PRMT8: variants seen among roughly 807,000 people sequenced by gnomAD.
The protein encoded by PRMT8 is protein arginine methyltransferase 8, also known as protein arginine N-methyltransferase 8.
In PRMT8, 7 loss-of-function variants were observed where a neutral mutation model predicts 47.1. The ratio of observed to expected loss-of-function variants is 0.15; its 90% CI spans 0.08 to 0.28. The LOEUF is 0.28. PRMT8 is among the 10% of genes least tolerant of loss of function. The probability of loss-of-function intolerance (pLI) is 1.00; values close to 1 mark genes in which losing one functional copy is unlikely to be tolerated. For missense variants in PRMT8, 237 were observed against 505.4 expected (o/e 0.47, Z 5.09); for synonymous variants, 188 against 186.5 (o/e 1.01, Z -0.07).
chr12:3,519,425 C>T (rs1262349430), intron 1 of PRMT8, among the ~76,000 whole-genome samples: 10 of 152,034 alleles, frequency 6.6e-5, no homozygotes, highest in East Asian at 1.9e-4. Flanking sequence ...AAAGAGGTGC[C>T]GGGAAAGGAT....
intron 1 of PRMT8, among the ~76,000 whole-genome samples, chr12:3,444,773 A>C (rs1864839161): frequency 6.6e-6 from 1 of 152,274 alleles, no homozygotes; most frequent in African/African-American, 2.4e-5. Context: ...GCCTTTGCCC[A>C]ATGGCAAGAG....
Position 3,540,729 on chromosome 12 carries a change from C to T in PRMT8, c.199C>T (p.Pro67Ser). Residue 67 changes from proline (P) to serine (S), a missense_variant, in exon 2 of 10, where the codon CCA becomes TCA. This residue lies in a region of PRMT8 where 32 missense variants were observed against 73.7 expected (regional missense o/e 0.43). Transcript: ENST00000382622. The stretch of plus-strand genomic sequence containing the variant: ...GGGCAAGATGTCCAAGCTGCTGAAC[C>T]CAGAGGAGATGACCTCGAGAGATTA... ...GRGKMSKLLN[P>S]EEMTSRDYYF... 7.4e-6 allele frequency: 12 copies of T among 1,613,798 alleles called. No individual in the cohort carries two copies. The highest frequency in any genetic ancestry group is 9.3e-6 in the Non-Finnish European group (11 of 1,179,880).
chr12:3,404,292 G>A (rs868676170), intron 1 of PRMT8, among the ~76,000 whole-genome samples: 3 of 152,016 alleles, frequency 2.0e-5, no homozygotes, highest in African/African-American at 7.2e-5. Flanking sequence ...CCTTCAATGT[G>A]CTGTTTTCAT....
chr12:3,452,748 A>G (rs1201638410), intron 1 of PRMT8, among the ~76,000 whole-genome samples: 1 of 152,158 alleles, frequency 6.6e-6, no homozygotes, highest in African/African-American at 2.4e-5. Context: ...GTCAGGCCTC[A>G]CCAGATGGTG....
rs145716727 is a variant in PRMT8 at position 3,420,035 on chromosome 12, CAGAGAGAGAG to C, written c.48+38613_48+38622del. ...GGGGAAAGAGAGAGAGAGAGACAGA[CAGAGAGAGAG>C]AGAGAGAGAGAGAGAGAGAAGGGCT... On this transcript the variant is annotated intron_variant, in intron 1 of 9. Coordinates refer to the PRMT8 transcript ENST00000452611. Among the ~76,000 whole-genome samples, 66 of 131,876 alleles carry C rather than the reference CAGAGAGAGAG, an allele frequency of 5.0e-4. 1 individual carries two copies. Among genetic ancestry groups the C allele is most frequent in the African/African-American group, 1.4e-3 (47 of 33,750 alleles). 86.5% of individuals were successfully genotyped at this position (131,876 alleles called of 152,430 possible). A position where few individuals can be genotyped will look rare whatever the true frequency, so the allele number is the denominator to read the frequency against.
In PRMT8 at chr12:3,583,357, C is replaced by A. The variant is rs1309379831; in HGVS notation, c.979+149C>A. 3.5e-5 allele frequency: 29 copies of A among 830,872 alleles called. No homozygotes were observed. In the Admixed American group the frequency reaches 8.6e-4, roughly 25 times the overall value. 51.5% of individuals were successfully genotyped at this position (830,872 alleles called of 1,614,324 possible). On this transcript the variant is annotated intron_variant, in intron 8 of 9. Coordinates refer to ENST00000382622, the MANE Select transcript of PRMT8 (RefSeq NM_019854.5). The surrounding 1 kb of genome is among the most constrained non-coding windows in gnomAD (Gnocchi z 4.7). ...TCAACCCTCTCCAGCCATGGAGGAACCATGCATCCCTATATTTGTGCTGTC... is the reference window on the plus strand; with the variant it reads ...TCAACCCTCTCCAGCCATGGAGGAAACATGCATCCCTATATTTGTGCTGTC...
intron 1 of PRMT8, among the ~76,000 whole-genome samples, chr12:3,483,487 A>C (rs1394544417): frequency 6.6e-6 from 1 of 151,928 alleles, no homozygotes; most frequent in Non-Finnish European, 1.5e-5. Flanking sequence ...AGTGGTCCTT[A>C]ACCCCACTTT....
intron 4 of PRMT8, among the ~76,000 whole-genome samples, chr12:3,568,072 CAAA>C (rs148436679): frequency 0.029 from 2,986 of 102,754 alleles, 83 homozygotes; most frequent in East Asian, 0.14. Flanking sequence ...AACTCCGTCT[CAAA>C]AAAAAAAAAA....
rs1395218756 is a variant in PRMT8, at chr12:3,557,566, A to C, written c.481+3852A>C. ...TGGGTCTCTTCTGTGCCCTCCTCAG[A>C]GAAGTGCTTGACCCGGGCTCCCTAT... On this transcript the variant is annotated intron_variant, in intron 4 of 9. Transcript: ENST00000382622. The surrounding 1 kb of genome is among the most constrained non-coding windows in gnomAD (Gnocchi z 4.7). Among the ~76,000 whole-genome samples, 4 of 152,132 alleles carry C rather than the reference A, an allele frequency of 2.6e-5. No individual in the cohort carries two copies. The highest frequency in any genetic ancestry group is 9.7e-5 in the African/African-American group (4 of 41,428).
At position 3,576,518 on chromosome 12, in the gene PRMT8, C is replaced by T. The variant is rs985773149; in HGVS notation, c.713-353C>T. Among the ~76,000 whole-genome samples, 4 of 152,072 alleles carry T rather than the reference C, an allele frequency of 2.6e-5. No homozygotes were observed. The highest frequency in any genetic ancestry group is 7.2e-5 in the African/African-American group (3 of 41,418). On this transcript the variant is annotated intron_variant, in intron 6 of 9. Transcript: ENST00000382622. The surrounding 1 kb of genome is among the most constrained non-coding windows in gnomAD (Gnocchi z 4.0). ...GACAGATAAGGGAGTTCATAGGAGA[C>T]GCTGCTGGCTTGGGGAGGGGACAGG...
chr12:3,494,954 C>T (rs1229549634), intron 1 of PRMT8, among the ~76,000 whole-genome samples: 6 of 152,194 alleles, frequency 3.9e-5, no homozygotes, highest in Non-Finnish European at 8.8e-5. Flanking sequence ...GTTCCATGTA[C>T]GCTTTCTCCT....
chr12:3,520,402 C>A (rs528368532), intron 1 of PRMT8, among the ~76,000 whole-genome samples: 31 of 152,338 alleles, frequency 2.0e-4, no homozygotes, highest in African/African-American at 7.5e-4. Context: ...GCCAAAGGCA[C>A]CCTGGGAGCC....
At chr12:3,445,801 C>T (rs555527787) in intron 1 of PRMT8, among the ~76,000 whole-genome samples, 6 of 152,306 alleles carry the variant, frequency 3.9e-5, no homozygotes, top group Non-Finnish European at 4.4e-5. Flanking sequence ...GCAAGGTGCA[C>T]ATCTGTTGGT....
chr12:3,589,609 G>T (rs963225177), intron 8 of PRMT8, among the ~76,000 whole-genome samples: 1 of 152,170 alleles, frequency 6.6e-6, no homozygotes, highest in Non-Finnish European at 1.5e-5. Context: ...CTTCTCCTGG[G>T]CACTTTGATG....
intron 1 of PRMT8, among the ~76,000 whole-genome samples, chr12:3,392,773 T>G (rs1448510081): frequency 6.6e-6 from 1 of 151,988 alleles, no homozygotes; most frequent in Non-Finnish European, 1.5e-5. Flanking sequence ...TCTAGATCCC[T>G]GAGGAATCGC....
chr12:3,390,126 T>A (rs1222760984), intron 1 of PRMT8, among the ~76,000 whole-genome samples: 1 of 152,260 alleles, frequency 6.6e-6, no homozygotes. Context: ...GCAATTGCCC[T>A]AGGGCACTAA....
chr12:3,422,730 G>A (rs925672522), intron 1 of PRMT8, among the ~76,000 whole-genome samples: 1 of 152,208 alleles, frequency 6.6e-6, no homozygotes, highest in Non-Finnish European at 1.5e-5. Flanking sequence ...CAGGCCCAGG[G>A]CGCAGTGCTG....
chr12:3,558,296 T>C (rs1335895160), intron 4 of PRMT8, among the ~76,000 whole-genome samples: 1 of 151,722 alleles, frequency 6.6e-6, no homozygotes. Context: ...TTTGAAATAC[T>C]CAATATACAG....
chr12:3,585,234 G>A (rs1298756787), intron 8 of PRMT8, among the ~76,000 whole-genome samples: 3 of 152,106 alleles, frequency 2.0e-5, no homozygotes, highest in Non-Finnish European at 4.4e-5. Flanking sequence ...CATGTCATCA[G>A]GGGGTGAGGA....
Sources: allele counts gnomAD v4.1 joint callset (sites outside exome capture counted in the v4.1 genomes callset), GRCh38; gene constraint gnomAD v4.1.1; regional missense constraint gnomAD v4.1.1; non-coding constraint Gnocchi (gnomAD v3.1); transcripts MANE v1.5; gene names NCBI Gene and HGNC (gene_info 2026-07-23, HGNC 2026-07-21).